Variants in SLC9A9 observed in about 807,000 individuals in gnomAD.
SLC9A9 encodes the protein sodium/hydrogen exchanger 9.
Under a neutral mutation model 77.8 loss-of-function variants are expected in SLC9A9, and 62 were observed. The ratio of observed to expected loss-of-function variants is 0.80; its 90% CI spans 0.65 to 0.98. SLC9A9 has a LOEUF of 0.98. Ranked by LOEUF, SLC9A9 falls within the 50% of genes least tolerant of loss-of-function variation. SLC9A9 has a pLI of 0.00. For missense variants in SLC9A9, 775 were observed against 774.9 expected (o/e 1.00, Z 0.00); for synonymous variants, 320 against 283.5 (o/e 1.13, Z -1.29).
chr3:143,538,217 C>T (rs1452185454), intron 9 of SLC9A9, among the ~76,000 whole-genome samples: 1 of 152,150 alleles, frequency 6.6e-6, no homozygotes, highest in African/African-American at 2.4e-5. Flanking sequence ...TCCCTTAAAT[C>T]AGACTATATT....
intron 4 of SLC9A9, among the ~76,000 whole-genome samples, chr3:143,783,063 C>A (rs1465393897): frequency 6.6e-6 from 1 of 152,142 alleles, no homozygotes; most frequent in South Asian, 2.1e-4. Context: ...TTGCTTCCTG[C>A]CTTGGCTACC....
At chr3:143,375,651 G>A (rs1455536968) in intron 13 of SLC9A9, among the ~76,000 whole-genome samples, 2 of 152,172 alleles carry the variant, frequency 1.3e-5, no homozygotes, top group African/African-American at 4.8e-5. Context: ...ACATGAGCAA[G>A]CCTAGCTCAG....
At chr3:143,322,647 T>C (rs2108447203) in intron 14 of SLC9A9, among the ~76,000 whole-genome samples, 1 of 152,334 alleles carries the variant, frequency 6.6e-6, no homozygotes. Context: ...TTTGAACTAG[T>C]TCTTCCTCAG....
chr3:143,298,525 G>A (rs1343071855), intron 14 of SLC9A9, among the ~76,000 whole-genome samples: 2 of 152,334 alleles, frequency 1.3e-5, no homozygotes, highest in Non-Finnish European at 2.9e-5. Flanking sequence ...CAAAGCTCAA[G>A]GCTGCTCAGT....
chr3:143,387,244 G>A (rs762358933), intron 12 of SLC9A9, among the ~76,000 whole-genome samples: 3 of 152,108 alleles, frequency 2.0e-5, no homozygotes, highest in Non-Finnish European at 4.4e-5. Context: ...AAGGAAGAGG[G>A]AAGAGCTGAG....
At chr3:143,727,400 A>G (rs1934682304) in intron 4 of SLC9A9, among the ~76,000 whole-genome samples, 1 of 152,158 alleles carries the variant, frequency 6.6e-6, no homozygotes, top group South Asian at 2.1e-4. Context: ...TACTTGGAGC[A>G]TCAATAGAAC....
chr3:143,541,649 G>A (rs777601621), intron 9 of SLC9A9, among the ~76,000 whole-genome samples: 2 of 152,142 alleles, frequency 1.3e-5, no homozygotes, highest in Non-Finnish European at 2.9e-5. Flanking sequence ...CCCATGTCCA[G>A]GTTGACCCTG....
chr3:143,724,239 A>G (rs112180067), intron 4 of SLC9A9, among the ~76,000 whole-genome samples: 2,713 of 152,186 alleles, frequency 0.018, 68 homozygotes, highest in African/African-American at 0.061. Flanking sequence ...TTAAAAGGGT[A>G]TGGCACTCCC....
Position 143,446,876 on chromosome 3 carries a change from A to G in SLC9A9, c.1469+20161T>C, listed in dbSNP as rs201617379. ...TGGCTGAGATATAAGGTAGGTGTGT[A>G]TGTGTGTGTGTGTGTGTGTGTGCAT... On this transcript the variant is annotated intron_variant, in intron 12 of 15. Transcript: ENST00000316549. Among the ~76,000 whole-genome samples the G allele has an allele frequency of 6.8e-3, 1,015 of 148,794 alleles. 4 individuals are homozygous for G. The highest frequency in any genetic ancestry group is 0.011 in the Non-Finnish European group (737 of 66,368).
intron 12 of SLC9A9, among the ~76,000 whole-genome samples, chr3:143,442,447 C>A (rs2034759579): frequency 6.6e-6 from 1 of 152,218 alleles, no homozygotes; most frequent in Admixed American, 6.5e-5. Flanking sequence ...ATGGGCTGGG[C>A]ACGGTGGCTC....
intron 9 of SLC9A9, among the ~76,000 whole-genome samples, chr3:143,534,662 C>G (rs2036563815): frequency 6.6e-6 from 1 of 152,168 alleles, no homozygotes. Flanking sequence ...TGGCACCTAC[C>G]TGCGCCCCAT....
At chr3:143,505,367 A>G (rs2035995849) in intron 9 of SLC9A9, among the ~76,000 whole-genome samples, 1 of 152,208 alleles carries the variant, frequency 6.6e-6, no homozygotes, top group African/African-American at 2.4e-5. Flanking sequence ...GTAACATGAT[A>G]ATGATTATAT....
At chr3:143,799,223 C>T (rs762140658) in intron 2 of SLC9A9, among the ~76,000 whole-genome samples, 1 of 152,004 alleles carries the variant, frequency 6.6e-6, no homozygotes, top group African/African-American at 2.4e-5. Context: ...TTGGCAACAA[C>T]CCTTAGATGC....
At chr3:143,503,847 T>A (rs2035965127) in intron 9 of SLC9A9, 1 of 345,706 alleles carries the variant, frequency 2.9e-6, no homozygotes, top group African/African-American at 2.2e-5. Flanking sequence ...ACTGTGAAGT[T>A]GTTTTTGCAC....
intron 2 of SLC9A9, among the ~76,000 whole-genome samples, chr3:143,826,371 A>G (rs1329994948): frequency 6.6e-6 from 1 of 152,004 alleles, no homozygotes; most frequent in Non-Finnish European, 1.5e-5. Flanking sequence ...CTGTGAACCC[A>G]CATGACCAGG....
chr3:143,299,937 T>C (rs1272859730), intron 14 of SLC9A9, among the ~76,000 whole-genome samples: 1 of 152,212 alleles, frequency 6.6e-6, no homozygotes, highest in East Asian at 1.9e-4. Flanking sequence ...GTTTCTCTTT[T>C]GTCCAACAAT....
chr3:143,640,019 C>CTTTTTTTTT (rs10575577), intron 6 of SLC9A9, among the ~76,000 whole-genome samples: 25 of 124,142 alleles, frequency 2.0e-4, no homozygotes, highest in East Asian at 4.6e-4. Context: ...CTTTTTTTTT[C>CTTTTTTTTT]TTTTTTTTTT....
chr3:143,830,104 C>T (rs552077202), intron 2 of SLC9A9, among the ~76,000 whole-genome samples: 20 of 152,148 alleles, frequency 1.3e-4, no homozygotes, highest in Non-Finnish European at 2.8e-4. Context: ...CTAGTGTCCC[C>T]CAGGATTGCC....
At chr3:143,598,472 G>C (rs2108684892) in intron 6 of SLC9A9, among the ~76,000 whole-genome samples, 1 of 152,320 alleles carries the variant, frequency 6.6e-6, no homozygotes, top group East Asian at 1.9e-4. Context: ...GTAAATTAGT[G>C]GCGCTAGTGA....
Sources: allele counts gnomAD v4.1 joint callset (sites outside exome capture counted in the v4.1 genomes callset), GRCh38; gene constraint gnomAD v4.1.1; transcripts MANE v1.5; gene names NCBI Gene and HGNC (gene_info 2026-07-23, HGNC 2026-07-21).